Variants in MAGI2 observed in about 807,000 individuals in gnomAD.
MAGI2 encodes membrane associated guanylate kinase, WW and PDZ domain containing 2, also known as membrane-associated guanylate kinase, WW and PDZ domain-containing protein 2.
In MAGI2, 35 loss-of-function variants were observed where a neutral mutation model predicts 133.3. The observed-to-expected ratio is 0.26, with a 90% CI of 0.20 to 0.35. The LOEUF (loss-of-function observed/expected upper bound fraction) is 0.35, where lower values mean the gene tolerates loss of function less well. Among genes scored for constraint, MAGI2 ranks in the 10% least tolerant of loss-of-function variants. MAGI2 has a pLI of 1.00. For missense variants in MAGI2, 1,636 were observed against 1,863.4 expected, an observed-to-expected ratio of 0.88 and a Z score of 2.25; for synonymous variants, 729 against 710.6, an observed-to-expected ratio of 1.03 and a Z score of -0.41.
At chr7:78,456,778 G>C (rs1470119234) in intron 6 of MAGI2, 2 of 152,152 alleles carry the variant, frequency 1.3e-5, no homozygotes, top group East Asian at 3.9e-4. Context: ...TCAAAAAGGA[G>C]AAGTTCACAG....
chr7:78,522,021 A>G (rs1796550542), intron 3 of MAGI2, among the ~76,000 whole-genome samples: 1 of 152,214 alleles, frequency 6.6e-6, no homozygotes, highest in African/African-American at 2.4e-5. Flanking sequence ...GAGTACAGGT[A>G]ATTTTTTTGT....
At chr7:78,692,180 T>G (rs1037339691) in intron 2 of MAGI2, among the ~76,000 whole-genome samples, 1 of 152,216 alleles carries the variant, frequency 6.6e-6, no homozygotes, top group African/African-American at 2.4e-5. Flanking sequence ...ATGGATATCA[T>G]GCTGAAAATG....
At chr7:78,920,794 G>A (rs534763541) in intron 2 of MAGI2, among the ~76,000 whole-genome samples, 2 of 152,136 alleles carry the variant, frequency 1.3e-5, no homozygotes, top group South Asian at 4.1e-4. Flanking sequence ...GCTGAACAGA[G>A]TATGCAGGAC....
At chr7:78,452,740 C>A (rs1336937262) in intron 6 of MAGI2, among the ~76,000 whole-genome samples, 1 of 151,308 alleles carries the variant, frequency 6.6e-6, no homozygotes, top group Non-Finnish European at 1.5e-5. Context: ...ACCAGGTACA[C>A]AGGCTATAAA....
Position 78,837,328 on chromosome 7 carries a change from G to T in MAGI2, c.418+169762C>A, listed in dbSNP as rs1169984041. ...CTATCCTACTCTAGCTTCTTGCCAT[G>T]ATATATGCACTCAATATTTATGCTT... On this transcript the variant is annotated intron_variant, in intron 2 of 21. Coordinates refer to ENST00000354212, the MANE Select transcript of MAGI2 (RefSeq NM_012301.4). Among the ~76,000 whole-genome samples, 3 of 152,094 alleles carry T rather than the reference G, an allele frequency of 2.0e-5. No individual in the cohort carries two copies. In the South Asian group the frequency reaches 6.2e-4, roughly 32 times the overall value.
At chr7:78,871,273 T>C (rs1003046753) in intron 2 of MAGI2, among the ~76,000 whole-genome samples, 1 of 152,082 alleles carries the variant, frequency 6.6e-6, no homozygotes, top group Non-Finnish European at 1.5e-5. Flanking sequence ...ATCGCGCCAC[T>C]GCACTCAGCC....
intron 2 of MAGI2, among the ~76,000 whole-genome samples, chr7:78,767,136 C>T (rs1053736713): frequency 9.2e-5 from 14 of 152,098 alleles, no homozygotes; most frequent in Middle Eastern, 3.4e-3. Context: ...ATTACAGGTG[C>T]GTGCCACCAC....
intron 3 of MAGI2, among the ~76,000 whole-genome samples, chr7:78,529,667 G>GTTTTTTTTTTTTTTTTTTTTTTT (rs1563128653): frequency 3.6e-5 from 2 of 56,320 alleles, no homozygotes; most frequent in Admixed American, 2.3e-4. Flanking sequence ...TAAAGGAGAT[G>GTTTTTTTTTTTTTTTTTTTTTTT]GTTTTTTTTT....
chr7:78,688,281 T>C (rs1816593847), intron 2 of MAGI2, among the ~76,000 whole-genome samples: 1 of 152,194 alleles, frequency 6.6e-6, no homozygotes, highest in African/African-American at 2.4e-5. Flanking sequence ...TTTAAAATTA[T>C]ATTGCTGGTC....
intron 3 of MAGI2, 91 bp downstream of exon 3, chr7:78,627,029 C>G: frequency 2.2e-6 from 3 of 1,342,574 alleles, no homozygotes; most frequent in Non-Finnish European, 2.9e-6. Flanking sequence ...CCCAAAACAG[C>G]CCATTAGTAA....
intron 1 of MAGI2, among the ~76,000 whole-genome samples, chr7:79,076,956 A>T (rs1031088774): frequency 6.6e-6 from 1 of 152,206 alleles, no homozygotes; most frequent in African/African-American, 2.4e-5. Flanking sequence ...CAAAATGAAA[A>T]GCAGAAAATG....
rs151233833 is a variant in MAGI2, at chr7:79,033,088, C to T, written c.302-25882G>A. Among the ~76,000 whole-genome samples the T allele has an allele frequency of 1.7e-4, 26 of 152,244 alleles. No individual in the cohort carries two copies. In the East Asian group the frequency reaches 5.0e-3, roughly 29 times the overall value. Reference sequence around the variant, plus strand: ...GTTTAGAAGACCTAGTTGAGGTATGCTCTTGGATCTGTTCTATCTATGGAA... The same window carrying T: ...GTTTAGAAGACCTAGTTGAGGTATGTTCTTGGATCTGTTCTATCTATGGAA... On this transcript the variant is annotated intron_variant, in intron 1 of 21. Transcript: ENST00000354212.
intron 6 of MAGI2, among the ~76,000 whole-genome samples, chr7:78,420,531 C>T (rs765323318): frequency 4.0e-5 from 6 of 148,240 alleles, no homozygotes; most frequent in Admixed American, 6.9e-5. Flanking sequence ...TTTGACTCAA[C>T]CTACAATGGT....
chr7:78,405,744 AC>A (rs555562536), intron 6 of MAGI2, among the ~76,000 whole-genome samples: 159 of 152,202 alleles, frequency 1.0e-3, no homozygotes, highest in Admixed American at 1.8e-3. Context: ...TCATATTTTT[AC>A]ACATTTAAAA....
At chr7:78,850,030 T>C (rs1792992695) in intron 2 of MAGI2, among the ~76,000 whole-genome samples, 1 of 152,142 alleles carries the variant, frequency 6.6e-6, no homozygotes, top group Non-Finnish European at 1.5e-5. Context: ...CTGAATTTAA[T>C]TACTTTCCTT....
intron 3 of MAGI2, among the ~76,000 whole-genome samples, chr7:78,553,459 T>C (rs1304047704): frequency 1.6e-4 from 24 of 152,198 alleles, no homozygotes; most frequent in Admixed American, 1.5e-3. Flanking sequence ...AAATACGTGA[T>C]TTGAAAACCT....
intron 9 of MAGI2, among the ~76,000 whole-genome samples, chr7:78,277,533 A>G (rs1795168365): frequency 6.6e-6 from 1 of 152,208 alleles, no homozygotes; most frequent in Non-Finnish European, 1.5e-5. Flanking sequence ...AAGGTGCAGC[A>G]AGTTTTAGAA....
chr7:79,136,003 G>GAAAGAAGGAGAAAGAA (rs749343638), intron 1 of MAGI2, among the ~76,000 whole-genome samples: 3 of 40,890 alleles, frequency 7.3e-5, no homozygotes, highest in African/African-American at 2.7e-4. Flanking sequence ...AAGAAAGAAA[G>GAAAGAAGGAGAAAGAA]AGAAAGAAAG....
At position 79,313,480 on chromosome 7, in the gene MAGI2, G is replaced by C. The variant is rs138056602; in HGVS notation, c.301+139540C>G. On this transcript the variant is annotated intron_variant, in intron 1 of 21. Coordinates refer to ENST00000354212, the MANE Select transcript of MAGI2 (RefSeq NM_012301.4). ...TCCCTCTCTCTCTCTCTGAGAGAAA[G>C]AATAACGGAATTAAATTGAATGATT... Among the ~76,000 whole-genome samples the C allele has an allele frequency of 1.6e-3, 239 of 151,946 alleles. 1 individual carries two copies. Among genetic ancestry groups the C allele is most frequent in the African/African-American group, 5.3e-3 (218 of 41,426 alleles).
Sources: allele counts gnomAD v4.1 joint callset (sites outside exome capture counted in the v4.1 genomes callset), GRCh38; gene constraint gnomAD v4.1.1; transcripts MANE v1.5; gene names NCBI Gene and HGNC (gene_info 2026-07-23, HGNC 2026-07-21).